SLC8A1: variants seen among roughly 807,000 people sequenced by gnomAD.
SLC8A1 encodes solute carrier family 8 member A1.
Under a neutral mutation model 68.3 loss-of-function variants are expected in SLC8A1, and 18 were observed. The ratio of observed to expected loss-of-function variants is 0.26; its 90% CI spans 0.18 to 0.39. The LOEUF is 0.39. Ranked by LOEUF, SLC8A1 falls within the 10% of genes least tolerant of loss-of-function variation. The pLI is 1.00. For missense variants in SLC8A1, 985 were observed against 1,156.7 expected (o/e 0.85, Z 2.15); for synonymous variants, 475 against 415.5 (o/e 1.14, Z -1.74).
chr2:40,494,894 T>A (rs1217940612), intron 1 of SLC8A1, among the ~76,000 whole-genome samples: 1 of 151,440 alleles, frequency 6.6e-6, no homozygotes, highest in African/African-American at 2.4e-5. Flanking sequence ...ATATGCTTTC[T>A]CATCTACTCT....
At position 40,283,204 on chromosome 2, in the gene SLC8A1, T is replaced by G. The variant is rs971665857; in HGVS notation, c.1809-105349A>C. On this transcript the variant is annotated intron_variant, in intron 2 of 7. Transcript: ENST00000406785. ...TTCCTTTTTGTTCTCTAATGAGAGG[T>G]AGAGGATGTGAAAGTGAAGATACAG... Among the ~76,000 whole-genome samples the G allele has an allele frequency of 2.6e-5, 4 of 152,278 alleles. No homozygotes were observed. In the East Asian group the frequency reaches 7.7e-4, roughly 29 times the overall value.
At chr2:40,427,921 G>A (rs1417937795) in intron 2 of SLC8A1, among the ~76,000 whole-genome samples, 3 of 152,116 alleles carry the variant, frequency 2.0e-5, no homozygotes, top group Admixed American at 6.6e-5. Context: ...TCATAATTTA[G>A]CATTGGCATT....
At chr2:40,104,529 G>A (rs1032982342) in exon 8 of SLC8A1, 5 of 152,070 alleles carry the variant, frequency 3.3e-5, no homozygotes, top group Non-Finnish European at 4.4e-5. Flanking sequence ...TTTCTTGATA[G>A]GTTTCAAAAT....
intron 2 of SLC8A1, among the ~76,000 whole-genome samples, chr2:40,224,535 C>T (rs1359608927): frequency 6.6e-6 from 1 of 152,052 alleles, no homozygotes; most frequent in Admixed American, 6.6e-5. Context: ...CTCATCTGAT[C>T]CATGGTTACC....
chr2:40,227,016 C>G (rs1167429167), intron 2 of SLC8A1, among the ~76,000 whole-genome samples: 1 of 152,094 alleles, frequency 6.6e-6, no homozygotes, highest in Non-Finnish European at 1.5e-5. Context: ...CTTGATGGGA[C>G]TCACCATCAA....
chr2:40,386,509 A>G (rs1683588407), intron 2 of SLC8A1, among the ~76,000 whole-genome samples: 1 of 149,382 alleles, frequency 6.7e-6, no homozygotes, highest in Non-Finnish European at 1.5e-5. Context: ...TTAGATCAGG[A>G]TTTTTATTTA....
Position 40,511,829 on chromosome 2 carries a change from C to A in SLC8A1, c.-25+520G>T, listed in dbSNP as rs1002137276. Among the ~76,000 whole-genome samples the A allele has an allele frequency of 7.9e-5, 12 of 152,220 alleles. No homozygotes were observed. In the East Asian group the frequency reaches 2.3e-3, roughly 29 times the overall value. ...CTTTGAACAGGATGTAATCAACCTCCGAACTGCTGAGAAATATTGCAAAAA... is the reference window on the plus strand; with the variant it reads ...CTTTGAACAGGATGTAATCAACCTCAGAACTGCTGAGAAATATTGCAAAAA... On this transcript the variant is annotated intron_variant, in intron 1 of 7. Coordinates refer to the SLC8A1 transcript ENST00000402441.
At position 40,306,085 on chromosome 2, in the gene SLC8A1, C is replaced by CT. The variant is rs558562709; in HGVS notation, c.1808+122387dup. Among the ~76,000 whole-genome samples, 1,066 of 152,260 alleles carry CT rather than the reference C, an allele frequency of 7.0e-3. 7 individuals are homozygous for CT. The highest frequency in any genetic ancestry group is 0.024 in the African/African-American group (1,000 of 41,548). ...CTGTCTATTCTGGGATGCTCATGCT[C>CT]TTATACAGATGCATTTGACATCTCA... On this transcript the variant is annotated intron_variant, in intron 2 of 7. Coordinates refer to ENST00000406785, the Ensembl canonical transcript of SLC8A1.
chr2:40,385,281 G>GCGGGTGTGGTGGCATGTGCCTGTAA (rs1683202258), intron 2 of SLC8A1, among the ~76,000 whole-genome samples: 1 of 151,646 alleles, frequency 6.6e-6, no homozygotes, highest in African/African-American at 2.4e-5. Context: ...ATAAGGAACA[G>GCGGGTGTGGTGGCATGTGCCTGTAA]TTTTTGAGAC....
intron 2 of SLC8A1, among the ~76,000 whole-genome samples, chr2:40,229,843 A>G (rs2059435681): frequency 1.3e-5 from 2 of 152,196 alleles, no homozygotes; most frequent in African/African-American, 4.8e-5. Flanking sequence ...GTATTAGGCA[A>G]AAGTATGCAG....
At chr2:40,181,093 G>C (rs1011817285) in intron 2 of SLC8A1, among the ~76,000 whole-genome samples, 1 of 152,176 alleles carries the variant, frequency 6.6e-6, no homozygotes, top group Non-Finnish European at 1.5e-5. Flanking sequence ...CTGAGTAGCT[G>C]GGATTACAGA....
chr2:40,354,177 G>T (rs1024806043), intron 2 of SLC8A1, among the ~76,000 whole-genome samples: 7 of 152,146 alleles, frequency 4.6e-5, no homozygotes, highest in African/African-American at 1.7e-4. Flanking sequence ...GAGTGCCTTT[G>T]TTTTCTCCCA....
chr2:40,212,881 T>G (rs2056855693), intron 2 of SLC8A1, among the ~76,000 whole-genome samples: 1 of 151,758 alleles, frequency 6.6e-6, no homozygotes, highest in Admixed American at 6.6e-5. Flanking sequence ...TGTAGATTCA[T>G]AAATTTAGGG....
At position 40,329,060 on chromosome 2, in the gene SLC8A1, TCACACACACACACACA is replaced by T. The variant is rs70957170; in HGVS notation, c.1808+99397_1808+99412del. ...ATTTTCATCTCCTCACACTACAACCTCACACACACACACACACACACACACACACACACACACACAC... is the reference window on the plus strand; with the variant it reads ...ATTTTCATCTCCTCACACTACAACCTCACACACACACACACACACACACAC... On this transcript the variant is annotated intron_variant, in intron 2 of 7. Coordinates refer to ENST00000406785, the Ensembl canonical transcript of SLC8A1. Among the ~76,000 whole-genome samples, 871 of 141,230 alleles carry T rather than the reference TCACACACACACACACA, an allele frequency of 6.2e-3. 10 individuals are homozygous for T. Among genetic ancestry groups the T allele is most frequent in the African/African-American group, 0.021 (823 of 38,400 alleles). 92.7% of individuals were successfully genotyped at this position (141,230 alleles called of 152,430 possible).
At chr2:40,358,276 C>T (rs1029966168) in intron 2 of SLC8A1, among the ~76,000 whole-genome samples, 1 of 135,310 alleles carries the variant, frequency 7.4e-6, no homozygotes, top group South Asian at 2.4e-4. Flanking sequence ...CAGATTAAGA[C>T]AAAAAAAAAA....
At chr2:40,381,437 A>T (rs1681751954) in intron 2 of SLC8A1, among the ~76,000 whole-genome samples, 1 of 151,962 alleles carries the variant, frequency 6.6e-6, no homozygotes, top group South Asian at 2.1e-4. Flanking sequence ...CTCTTCTCAC[A>T]TCTCTCCATG....
intron 2 of SLC8A1, among the ~76,000 whole-genome samples, chr2:40,259,629 T>G (rs927450420): frequency 6.6e-5 from 10 of 152,172 alleles, no homozygotes; most frequent in African/African-American, 2.4e-4. Context: ...CACCATGCCC[T>G]GCTAACCCCA....
intron 2 of SLC8A1, among the ~76,000 whole-genome samples, chr2:40,367,386 G>A (rs1676577473): frequency 6.6e-6 from 1 of 151,968 alleles, no homozygotes; most frequent in African/African-American, 2.4e-5. Flanking sequence ...ACACTTCGCT[G>A]ATCTTTGCTG....
At chr2:40,379,529 C>G (rs531806591) in intron 2 of SLC8A1, among the ~76,000 whole-genome samples, 4 of 152,216 alleles carry the variant, frequency 2.6e-5, no homozygotes, top group African/African-American at 9.6e-5. Flanking sequence ...CCCATGAACC[C>G]TCTGGTCACC....
Sources: allele counts gnomAD v4.1 joint callset (sites outside exome capture counted in the v4.1 genomes callset), GRCh38; gene constraint gnomAD v4.1.1; transcripts MANE v1.5; gene names NCBI Gene and HGNC (gene_info 2026-07-23, HGNC 2026-07-21).